PRR5: variants seen among roughly 807,000 people sequenced by gnomAD.
The protein encoded by PRR5 is proline rich 5, also known as proline-rich protein 5.
In PRR5, 25 loss-of-function variants were observed where a neutral mutation model predicts 30.6. The ratio of observed to expected loss-of-function variants is 0.82; its 90% CI spans 0.60 to 1.14. PRR5 has a LOEUF of 1.14. Ranked by LOEUF, PRR5 falls within the 50% of genes most tolerant of loss-of-function variation. The pLI is 0.00. For missense variants in PRR5, 600 were observed against 547.1 expected, an observed-to-expected ratio of 1.10 and a Z score of -0.96; for synonymous variants, 286 against 247.1, an observed-to-expected ratio of 1.16 and a Z score of -1.48.
chr22:44,695,000 A>T (rs1014083003), intron 1 of PRR5, among the ~76,000 whole-genome samples: 1 of 151,986 alleles, frequency 6.6e-6, no homozygotes, highest in East Asian at 1.9e-4. Flanking sequence ...ATGAAACCCC[A>T]TCTCTACTAA....
rs1923462237 is a variant in PRR5 at position 44,737,288 on chromosome 22, G to C, written c.*41G>C. 3.9e-6 allele frequency: 6 copies of C among 1,553,188 alleles called. No individual in the cohort carries two copies. The African/African-American group carries it at 5.4e-5, about 14-fold the overall frequency. ...CTTGAGTTTTTACTGACACGTCCCT[G>C]TGTGCGGGGGTGTCCATGTGGCGTG... On this transcript the variant is annotated 3_prime_UTR_variant, in exon 8 of 8. Coordinates refer to ENST00000336985, the MANE Select transcript of PRR5 (RefSeq NM_181333.4).
At chr22:44,698,571 C>T (rs1925975312), upstream of PRR5, among the ~76,000 whole-genome samples, 1 of 152,182 alleles carries the variant, frequency 6.6e-6, no homozygotes. Flanking sequence ...GCCCCCTCCT[C>T]AGACCCAGAA....
upstream of PRR5, among the ~76,000 whole-genome samples, chr22:44,675,255 A>C (rs1409735418): frequency 6.6e-6 from 1 of 152,060 alleles, no homozygotes; most frequent in Non-Finnish European, 1.5e-5. Context: ...GTCTCAAAAA[A>C]AAAAGAAAAA....
intron 1 of PRR5, chr22:44,679,981 G>A (rs1304325618): frequency 1.0e-5 from 12 of 1,165,524 alleles, no homozygotes; most frequent in Admixed American, 7.0e-5. Context: ...TGAGTAGGAC[G>A]GCGAGAGACC....
At chr22:44,732,907 A>G (rs1444274067) in intron 6 of PRR5, among the ~76,000 whole-genome samples, 2 of 143,346 alleles carry the variant, frequency 1.4e-5, no homozygotes, top group East Asian at 4.5e-4. Context: ...GCACACGCAT[A>G]CACACTACAC....
At chr22:44,693,555 A>G (rs886238983) in intron 1 of PRR5, among the ~76,000 whole-genome samples, 8 of 149,148 alleles carry the variant, frequency 5.4e-5, no homozygotes, top group Non-Finnish European at 1.0e-4. Flanking sequence ...CTCTGCTTCC[A>G]TCCTCACACA....
chr22:44,708,157 G>A lies in PRR5; in HGVS notation c.134+5549G>A, dbSNP rs1400188871. Among the ~76,000 whole-genome samples, 6 of 152,022 alleles carry A rather than the reference G, an allele frequency of 3.9e-5. No homozygotes were observed. In the East Asian group the frequency reaches 5.8e-4, roughly 15 times the overall value. ...GGAGGTTGCAGTGAGCCGAGAACAC[G>A]CCACTGCACTCCAGCCTAGGTGACA... is the stretch of plus-strand genomic sequence containing the variant. On this transcript the variant is annotated intron_variant, in intron 1 of 7. Coordinates refer to ENST00000336985, the MANE Select transcript of PRR5 (RefSeq NM_181333.4).
chr22:44,737,103 C>T lies in PRR5; in HGVS notation c.1023C>T (p.Pro341=), dbSNP rs771538941. 3.1e-6 allele frequency: 5 copies of T among 1,612,222 alleles called. No homozygotes were observed. Among genetic ancestry groups the T allele is most frequent in the Non-Finnish European group, 4.2e-6 (5 of 1,179,960 alleles). ...TGGATCCCACCCGCAGCTCCCTGCC[C>T]CGCTCCAGCCCGGAGAACCTGGTGG... ...QGLDPTRSSL[P]RSSPENLVDQ... Residue 341 remains proline, a synonymous_variant, in exon 8 of 8, where the codon CCC becomes CCT. Coordinates refer to ENST00000336985, the MANE Select transcript of PRR5 (RefSeq NM_181333.4).
intron 1 of PRR5, among the ~76,000 whole-genome samples, chr22:44,680,398 G>T (rs566692333): frequency 6.6e-6 from 1 of 152,208 alleles, no homozygotes; most frequent in East Asian, 1.9e-4. Flanking sequence ...AAGGAAAGGG[G>T]GGATGGGGAA....
chr22:44,735,225 C>T, intron 7 of PRR5, 63 bp downstream of exon 7: 1 of 1,522,470 alleles, frequency 6.6e-7, no homozygotes, highest in Non-Finnish European at 8.9e-7. Flanking sequence ...CCATTGTGAA[C>T]AAATGGGCAA....
chr22:44,707,481 G>A (rs2147037122), intron 1 of PRR5, among the ~76,000 whole-genome samples: 1 of 152,322 alleles, frequency 6.6e-6, no homozygotes, highest in African/African-American at 2.4e-5. Flanking sequence ...GCCCTTGGCG[G>A]GCTCTGTGCT....
At position 44,737,228 on chromosome 22, in the gene PRR5, G is replaced by A. The variant is rs1923450713; in HGVS notation, c.1148G>A (p.Gly383Asp). 2.5e-6 allele frequency: 4 copies of A among 1,604,010 alleles called. No individual in the cohort carries two copies. The South Asian group carries it at 3.3e-5, about 13-fold the overall frequency. ...ATGTCCGACTTGGAGGGCTCTGGGG[G>A]CCGGCAGAGTGTCGTGTGAGGCCTC... is the stretch of plus-strand genomic sequence containing the variant. Reference protein sequence around the residue: ...SGMSDLEGSGGRQSVV With the variant: ...SGMSDLEGSGDRQSVV The change falls in exon 8 of 8, where the codon GGC becomes GAC. Residue 383 changes from glycine (G) to aspartate (D), a missense_variant. Gly to Asp is a moderately conservative substitution (Grantham distance 94, BLOSUM62 -1). Coordinates refer to ENST00000336985, the MANE Select transcript of PRR5 (RefSeq NM_181333.4).
At chr22:44,689,138 C>A (rs6007243) in intron 1 of PRR5, among the ~76,000 whole-genome samples, 82,403 of 151,944 alleles carry the variant, frequency 0.54, 23,870 homozygotes, top group African/African-American at 0.75. Flanking sequence ...TAGGTTTTCT[C>A]GTTCTCTAAA....
chr22:44,702,179 T>TGGGCCCGCCCCC (rs1555898110), upstream of PRR5: 294 of 841,796 alleles, frequency 3.5e-4, 3 homozygotes, highest in Middle Eastern at 4.4e-3. Flanking sequence ...GACCCGCCCC[T>TGGGCCCGCCCCC]GGGCCCGCCC....
chr22:44,675,291 C>T (rs1923672488), upstream of PRR5, among the ~76,000 whole-genome samples: 1 of 152,070 alleles, frequency 6.6e-6, no homozygotes, highest in Non-Finnish European at 1.5e-5. Flanking sequence ...TGGGGTTTTG[C>T]CACGTTGCCC....
intron 7 of PRR5, among the ~76,000 whole-genome samples, chr22:44,736,558 G>A (rs921393333): frequency 6.6e-6 from 1 of 152,246 alleles, no homozygotes; most frequent in Non-Finnish European, 1.5e-5. Flanking sequence ...TTGAGGTCCT[G>A]TGTGACCAGG....
chr22:44,693,645 G>GT (rs1925483619), intron 1 of PRR5, among the ~76,000 whole-genome samples: 1 of 126,498 alleles, frequency 7.9e-6, no homozygotes. Context: ...TTTTTCTGAG[G>GT]TGGAGTCTTG....
chr22:44,722,377 G>A (rs973019655), intron 2 of PRR5, among the ~76,000 whole-genome samples: 8 of 152,244 alleles, frequency 5.3e-5, no homozygotes, highest in African/African-American at 1.9e-4. Context: ...GAGCTGTGCA[G>A]GAACGTTAGT....
intron 1 of PRR5, among the ~76,000 whole-genome samples, chr22:44,712,994 A>G (rs538701816): frequency 1.3e-5 from 2 of 152,166 alleles, no homozygotes; most frequent in African/African-American, 2.4e-5. Flanking sequence ...CCTCATGGAT[A>G]GGGATGAGAA....
Sources: allele counts gnomAD v4.1 joint callset (sites outside exome capture counted in the v4.1 genomes callset), GRCh38; gene constraint gnomAD v4.1.1; transcripts MANE v1.5; gene names NCBI Gene and HGNC (gene_info 2026-07-23, HGNC 2026-07-21).